PKHD1: variants seen among roughly 807,000 people sequenced by gnomAD.
PKHD1 encodes the protein fibrocystin.
Under a neutral mutation model 412.0 loss-of-function variants are expected in PKHD1, and 291 were observed. That is an observed-to-expected ratio of 0.71 (90% confidence interval 0.64 to 0.78). The LOEUF (loss-of-function observed/expected upper bound fraction) is 0.78, where lower values mean the gene tolerates loss of function less well. Ranked by LOEUF, PKHD1 falls within the 30% of genes least tolerant of loss-of-function variation. The probability of loss-of-function intolerance (pLI) is 0.00; values close to 1 mark genes in which losing one functional copy is unlikely to be tolerated. For synonymous variants in PKHD1, 1,777 were observed against 1,821.5 expected (o/e 0.98, Z 0.62); for missense variants, 4,825 against 4,950.7 (o/e 0.97, Z 0.76).
At chr6:51,723,555 G>T (rs375698759) in intron 60 of PKHD1, among the ~76,000 whole-genome samples, 3 of 152,110 alleles carry the variant, frequency 2.0e-5, no homozygotes, top group Non-Finnish European at 4.4e-5. Context: ...CTGGGAAAAT[G>T]AATTATTGAA....
At chr6:51,847,671 C>G in intron 50 of PKHD1, 104 bp downstream of exon 50, 1 of 873,716 alleles carries the variant, frequency 1.1e-6, no homozygotes. Flanking sequence ...ACAGCTGTCC[C>G]TTTCAGTTCC....
rs201581536 is a variant in PKHD1 at position 52,025,042 on chromosome 6, G to A, written c.4768C>T (p.Leu1590Phe). The A allele has an allele frequency of 6.2e-6, 10 of 1,613,964 alleles. No homozygotes were observed. Among genetic ancestry groups the A allele is most frequent in the Non-Finnish European group, 8.5e-6 (10 of 1,179,990 alleles). The change falls in exon 32 of 67, where the codon CTC becomes TTC. Residue 1590 changes from leucine to phenylalanine, a missense_variant. Coordinates refer to ENST00000371117, the MANE Select transcript of PKHD1 (RefSeq NM_138694.4). ...AGGCCTGTGCCCTCTATGGTCAAGA[G>A]GCTTCCACCATGTAAGCTGAAATTC... Reference protein sequence around the residue: ...PKNFSLHGGSLLTIEGTGLRG... With the variant: ...PKNFSLHGGSFLTIEGTGLRG...
At chr6:52,078,895 C>A (rs1811668518) in intron 5 of PKHD1, among the ~76,000 whole-genome samples, 1 of 152,150 alleles carries the variant, frequency 6.6e-6, no homozygotes, top group Non-Finnish European at 1.5e-5. Context: ...TTCCAGAAAA[C>A]AAGATTCTCT....
chr6:51,809,528 G>A lies in PKHD1; in HGVS notation c.8303-18155C>T, dbSNP rs77193099. On this transcript the variant is annotated intron_variant, in intron 52 of 66. Transcript: ENST00000371117. The stretch of plus-strand genomic sequence containing the variant: ...ATATTTGCTTTTCCTAAAAATATTA[G>A]AATCAGCTTCTCACGTTCTAATTTT... 7.4e-3 allele frequency among the ~76,000 whole-genome samples: 1,123 copies of A among 151,946 alleles called. 8 individuals are homozygous for A. Among genetic ancestry groups the A allele is most frequent in the Middle Eastern group, 0.024 (7 of 294 alleles).
intron 37 of PKHD1, among the ~76,000 whole-genome samples, chr6:51,924,175 C>T (rs1295640253): frequency 1.4e-4 from 22 of 152,082 alleles, no homozygotes; most frequent in Admixed American, 1.4e-3. Context: ...AATAGTATTG[C>T]TTTGATGATG....
rs558841980 is a variant in PKHD1, at chr6:52,045,142, G to A, written c.2593-54C>T. The A allele has an allele frequency of 1.6e-4, 245 of 1,570,226 alleles. No individual in the cohort carries two copies. The African/African-American group carries it at 1.8e-3, about 12-fold the overall frequency. ...TGTCATGGAACCGAAATCTAATCTCGTCTAATCAAATAATAAAGAGTTTTT... is the reference window on the plus strand; with the variant it reads ...TGTCATGGAACCGAAATCTAATCTCATCTAATCAAATAATAAAGAGTTTTT... On this transcript the variant is annotated intron_variant, in intron 24 of 66. Transcript: ENST00000371117.
chr6:51,897,168 C>A (rs1780218916), intron 43 of PKHD1, among the ~76,000 whole-genome samples: 1 of 152,064 alleles, frequency 6.6e-6, no homozygotes, highest in Non-Finnish European at 1.5e-5. Context: ...GAGAACGCCA[C>A]AAAGATATTC....
chr6:51,871,577 T>C (rs886809073), intron 46 of PKHD1, among the ~76,000 whole-genome samples: 1 of 119,024 alleles, frequency 8.4e-6, no homozygotes, highest in African/African-American at 2.7e-5. Context: ...GCAACTGTTC[T>C]GTGTCTTGAT....
chr6:51,955,507 T>C (rs1306464916), intron 36 of PKHD1, among the ~76,000 whole-genome samples: 1 of 152,026 alleles, frequency 6.6e-6, no homozygotes, highest in African/African-American at 2.4e-5. Context: ...AAAATATGAG[T>C]AAGGCACAGA....
At chr6:51,765,234 G>C (rs1004123068) in intron 55 of PKHD1, among the ~76,000 whole-genome samples, 2 of 151,892 alleles carry the variant, frequency 1.3e-5, no homozygotes, top group African/African-American at 4.8e-5. Flanking sequence ...GCCTCTTCCA[G>C]AGTCCCAGAT....
chr6:51,840,974 AAAGTT>A (rs1770082456), intron 50 of PKHD1, among the ~76,000 whole-genome samples: 1 of 152,238 alleles, frequency 6.6e-6, no homozygotes, highest in South Asian at 2.1e-4. Context: ...ATTATTAAGA[AAAGTT>A]AGGTTTTAAA....
chr6:51,754,126 T>G (rs1786564876), intron 56 of PKHD1, among the ~76,000 whole-genome samples: 1 of 152,214 alleles, frequency 6.6e-6, no homozygotes, highest in South Asian at 2.1e-4. Flanking sequence ...AGTTTATTAC[T>G]GATTAGCTAT....
At chr6:51,967,048 G>A (rs1164074106) in intron 35 of PKHD1, among the ~76,000 whole-genome samples, 1 of 152,110 alleles carries the variant, frequency 6.6e-6, no homozygotes, top group Non-Finnish European at 1.5e-5. Flanking sequence ...GGCCCTGGAG[G>A]AAGGAACGCT....
rs2150226706 is a variant in PKHD1 at position 51,615,493 on chromosome 6, TTA to T, written c.*3586_*3587del. On this transcript the variant is annotated 3_prime_UTR_variant, in exon 67 of 67. Coordinates refer to ENST00000371117, the MANE Select transcript of PKHD1 (RefSeq NM_138694.4). ...CTCAATAGTATTTAATTCCTTGTGCTTATAGTTTTTTCAAAATTGGCATAGAC... is the reference window on the plus strand; with the variant it reads ...CTCAATAGTATTTAATTCCTTGTGCTTAGTTTTTTCAAAATTGGCATAGAC... The T allele has an allele frequency of 6.6e-6, 1 of 152,314 alleles. No individual in the cohort carries two copies. Among genetic ancestry groups the T allele is most frequent in the African/African-American group, 2.4e-5 (1 of 41,572 alleles). The allele number at this position is 152,314 out of a possible 1,614,324, so 9.4% of individuals were successfully genotyped here. A position where few individuals can be genotyped will look rare whatever the true frequency, so the allele number is the denominator to read the frequency against.
chr6:52,056,865 C>A (rs1425465188), intron 17 of PKHD1, 25 bp downstream of exon 17: 1 of 1,599,278 alleles, frequency 6.3e-7, no homozygotes, highest in East Asian at 2.2e-5. Flanking sequence ...ACTCCCCTCC[C>A]TCATTTTTTG....
intron 35 of PKHD1, among the ~76,000 whole-genome samples, chr6:52,003,069 G>A (rs1293616347): frequency 6.6e-6 from 1 of 152,108 alleles, no homozygotes; most frequent in Admixed American, 6.5e-5. Flanking sequence ...TAATTTAAAT[G>A]TAAAAGAGAT....
intron 52 of PKHD1, among the ~76,000 whole-genome samples, chr6:51,828,307 A>G (rs893522645): frequency 6.6e-6 from 1 of 152,146 alleles, no homozygotes; most frequent in African/African-American, 2.4e-5. Context: ...CCCTCTCTGC[A>G]TCCCAGATTT....
chr6:51,623,663 G>A lies in PKHD1; in HGVS notation c.11785+3334C>T, dbSNP rs143378133. Reference sequence around the variant, plus strand: ...CAGTGGCATGATCTTGGCCCACTGCGCCCTCCACCTCCTGGTTTCAAGCAA... The same window carrying A: ...CAGTGGCATGATCTTGGCCCACTGCACCCTCCACCTCCTGGTTTCAAGCAA... On this transcript the variant is annotated intron_variant, in intron 66 of 66. Coordinates refer to ENST00000371117, the MANE Select transcript of PKHD1 (RefSeq NM_138694.4). Among the ~76,000 whole-genome samples, 15 of 151,984 alleles carry A rather than the reference G, an allele frequency of 9.9e-5. No individual in the cohort carries two copies. In the East Asian group the frequency reaches 1.4e-3, roughly 14 times the overall value.
At chr6:51,855,700 A>C (rs770103020) in intron 49 of PKHD1, among the ~76,000 whole-genome samples, 193 bp downstream of exon 49, 1 of 152,250 alleles carries the variant, frequency 6.6e-6, no homozygotes, top group Non-Finnish European at 1.5e-5. Context: ...AAGTTTAAAA[A>C]GCAACCAAAT....
Sources: gnomAD v4.1 joint callset for allele counts (sites outside exome capture counted in the v4.1 genomes callset) on GRCh38, gnomAD v4.1.1 for gene constraint, MANE v1.5 for transcripts, NCBI Gene and HGNC (gene_info 2026-07-23, HGNC 2026-07-21) for gene names.